Variants in CABLES1 observed in about 807,000 individuals in gnomAD.
The protein encoded by CABLES1 is CDK5 and ABL1 enzyme substrate 1.
A neutral mutation model predicts 57.8 loss-of-function variants in CABLES1; 36 were observed. The ratio of observed to expected loss-of-function variants is 0.62; its 90% CI spans 0.48 to 0.82. The LOEUF (loss-of-function observed/expected upper bound fraction) is 0.82, where lower values mean the gene tolerates loss of function less well. Among genes scored for constraint, CABLES1 ranks in the 40% least tolerant of loss-of-function variants. The probability of loss-of-function intolerance (pLI) is 0.00; values close to 1 mark genes in which losing one functional copy is unlikely to be tolerated. For missense variants in CABLES1, 767 were observed against 836.6 expected (o/e 0.92, Z 1.03); for synonymous variants, 374 against 363.0 (o/e 1.03, Z -0.35).
In CABLES1 at chr18:23,135,834, C is replaced by T. The variant is rs965093205; in HGVS notation, c.72C>T (p.Gly24=). 50 of 974,820 alleles carry T rather than the reference C, an allele frequency of 5.1e-5. No homozygotes were observed. The African/African-American group carries it at 6.7e-4, about 13-fold the overall frequency. The allele number at this position is 974,820 out of a possible 1,614,324, so 60.4% of individuals were successfully genotyped here. A position where few individuals can be genotyped will look rare whatever the true frequency, so the allele number is the denominator to read the frequency against. The part of the protein sequence containing the change: ...SSGSAGTDAA[G]ASGLQQPPPQ... Reference sequence around the variant, plus strand: ...GCAGCGCCGGCACCGACGCCGCGGGCGCCAGCGGATTGCAGCAGCCGCCGC... The same window carrying T: ...GCAGCGCCGGCACCGACGCCGCGGGTGCCAGCGGATTGCAGCAGCCGCCGC... The change falls in exon 1 of 10, where the codon GGC becomes GGT. Residue 24 remains glycine (G), a synonymous_variant. Coordinates refer to ENST00000256925, the MANE Select transcript of CABLES1 (RefSeq NM_001100619.3).
At chr18:23,244,271 C>T (rs1292218364) in intron 7 of CABLES1, among the ~76,000 whole-genome samples, 1 of 152,214 alleles carries the variant, frequency 6.6e-6, no homozygotes, top group African/African-American at 2.4e-5. Flanking sequence ...ACTGAACATG[C>T]TCTGTGCCAC....
intron 1 of CABLES1, among the ~76,000 whole-genome samples, chr18:23,188,597 C>G (rs1202013488): frequency 6.8e-6 from 1 of 146,346 alleles, no homozygotes; most frequent in Non-Finnish European, 1.5e-5. Flanking sequence ...TCAAAAGGAT[C>G]AGTCACTTCC....
chr18:23,228,135 A>G (rs887872364), intron 4 of CABLES1, among the ~76,000 whole-genome samples: 2 of 152,180 alleles, frequency 1.3e-5, no homozygotes, highest in African/African-American at 4.8e-5. Context: ...TAATTAGTTC[A>G]TTGATCATGC....
chr18:23,244,954 A>C (rs1405220334), intron 7 of CABLES1, among the ~76,000 whole-genome samples: 2 of 152,244 alleles, frequency 1.3e-5, no homozygotes, highest in Non-Finnish European at 2.9e-5. Context: ...CCGGAGCTTT[A>C]TCCGCCCTAG....
chr18:23,256,543 C>T (rs889248548), intron 9 of CABLES1, among the ~76,000 whole-genome samples: 1 of 152,092 alleles, frequency 6.6e-6, no homozygotes, highest in Non-Finnish European at 1.5e-5. Flanking sequence ...TTCGGTGGCA[C>T]AATCTTGACT....
chr18:23,146,620 C>T (rs796607434), intron 1 of CABLES1, among the ~76,000 whole-genome samples: 1 of 152,148 alleles, frequency 6.6e-6, no homozygotes, highest in South Asian at 2.1e-4. Context: ...TGTAGGATTC[C>T]ATTTATCCAT....
At chr18:23,206,826 T>G (rs998414861) in intron 3 of CABLES1, among the ~76,000 whole-genome samples, 1 of 151,894 alleles carries the variant, frequency 6.6e-6, no homozygotes, top group African/African-American at 2.4e-5. Context: ...CCTTTTTTTT[T>G]TTTTTTGCGA....
intron 1 of CABLES1, among the ~76,000 whole-genome samples, chr18:23,159,509 ATGTTTT>A (rs1235319766): frequency 6.6e-6 from 1 of 152,228 alleles, no homozygotes; most frequent in Non-Finnish European, 1.5e-5. Context: ...GTTTTGTGAC[ATGTTTT>A]AAGTGGACCT....
rs187943256 is a variant in CABLES1 at position 23,212,297 on chromosome 18, G to A, written c.1011-1680G>A. Among the ~76,000 whole-genome samples the A allele has an allele frequency of 9.8e-5, 15 of 152,366 alleles. No homozygotes were observed. In the East Asian group the frequency reaches 2.7e-3, roughly 27 times the overall value. On this transcript the variant is annotated intron_variant, in intron 3 of 9. Transcript: ENST00000256925. ...AGCTGCTCTTCTGAGGGTTCTCCAA[G>A]TATGGGCTCATGTACTCTTACAGCA... is the stretch of plus-strand genomic sequence containing the variant.
chr18:23,235,524 C>T (rs1161961986), intron 5 of CABLES1, among the ~76,000 whole-genome samples: 1 of 152,198 alleles, frequency 6.6e-6, no homozygotes, highest in African/African-American at 2.4e-5. Flanking sequence ...CTCTTGGGGC[C>T]TGAAGTGTTC....
intron 7 of CABLES1, among the ~76,000 whole-genome samples, chr18:23,243,468 GTTTTTTTTTT>G (rs551293348): frequency 9.8e-6 from 1 of 101,878 alleles, no homozygotes; most frequent in Non-Finnish European, 2.0e-5. Context: ...TGGGTTTGGT[GTTTTTTTTTT>G]TTTTTTTTTT....
intron 4 of CABLES1, among the ~76,000 whole-genome samples, chr18:23,228,494 C>T (rs1340876725): frequency 6.6e-6 from 1 of 152,120 alleles, no homozygotes; most frequent in Non-Finnish European, 1.5e-5. Flanking sequence ...AAATTACAGG[C>T]ATTCAAGGAG....
At chr18:23,165,725 A>G (rs147815574) in intron 1 of CABLES1, among the ~76,000 whole-genome samples, 3 of 152,344 alleles carry the variant, frequency 2.0e-5, no homozygotes, top group Non-Finnish European at 2.9e-5. Context: ...TTATCTGTAT[A>G]TGCAAAACTT....
chr18:23,216,186 C>A (rs1207648004), intron 4 of CABLES1, among the ~76,000 whole-genome samples: 1 of 152,214 alleles, frequency 6.6e-6, no homozygotes, highest in East Asian at 1.9e-4. Context: ...TCGTTTTATT[C>A]CCCAAGGTCT....
chr18:23,228,010 C>G (rs192557521), intron 4 of CABLES1, among the ~76,000 whole-genome samples: 9 of 152,270 alleles, frequency 5.9e-5, no homozygotes, highest in African/African-American at 1.9e-4. Flanking sequence ...GAAGTCAGGA[C>G]CACTCCATTT....
intron 2 of CABLES1, chr18:23,190,342 T>C (rs1026933167): frequency 6.6e-6 from 1 of 152,154 alleles, no homozygotes; most frequent in African/African-American, 2.4e-5. Flanking sequence ...CCCTGGAGTT[T>C]CGAGAGGCTA....
At chr18:23,174,638 ATTT>A (rs1320989718) in intron 1 of CABLES1, among the ~76,000 whole-genome samples, 1 of 150,704 alleles carries the variant, frequency 6.6e-6, no homozygotes, top group African/African-American at 2.4e-5. Context: ...CACCCGGCTA[ATTT>A]TTTTGCATTT....
At chr18:23,160,859 G>T (rs2046998879) in intron 1 of CABLES1, among the ~76,000 whole-genome samples, 1 of 152,092 alleles carries the variant, frequency 6.6e-6, no homozygotes, top group African/African-American at 2.4e-5. Flanking sequence ...CATAGTGAAA[G>T]CCCGTCTCTA....
At chr18:23,242,170 C>T (rs1256948408) in intron 7 of CABLES1, among the ~76,000 whole-genome samples, 1 of 152,070 alleles carries the variant, frequency 6.6e-6, no homozygotes, top group Non-Finnish European at 1.5e-5. Context: ...CCTGGCTACT[C>T]AGGAGGCTGA....
Sources: allele counts gnomAD v4.1 joint callset (sites outside exome capture counted in the v4.1 genomes callset), GRCh38; gene constraint gnomAD v4.1.1; transcripts MANE v1.5; gene names NCBI Gene and HGNC (gene_info 2026-07-23, HGNC 2026-07-21).